Variants in SDK1 observed in about 807,000 individuals in gnomAD.
SDK1 encodes the protein protein sidekick-1.
A neutral mutation model predicts 245.5 loss-of-function variants in SDK1; 157 were observed. The observed-to-expected ratio is 0.64, with a 90% CI of 0.56 to 0.73. The LOEUF (loss-of-function observed/expected upper bound fraction) is 0.73. SDK1 is among the 30% of genes least tolerant of loss of function. The pLI, the probability that SDK1 is intolerant of heterozygous loss-of-function variation, is 0.00. For synonymous variants in SDK1, 1,647 were observed against 1,278.5 expected, an observed-to-expected ratio of 1.29 and a Z score of -6.15; for missense variants, 3,583 against 3,002.3, an observed-to-expected ratio of 1.19 and a Z score of -4.52.
intron 16 of SDK1, among the ~76,000 whole-genome samples, chr7:4,013,982 C>A (rs907253896): frequency 3.3e-5 from 5 of 152,260 alleles, no homozygotes; most frequent in Admixed American, 3.3e-4. Flanking sequence ...CGTGTCCCCG[C>A]CGCCTGCGGC....
At chr7:4,193,338 A>G (rs1175737919) in intron 35 of SDK1, among the ~76,000 whole-genome samples, 1 of 126,420 alleles carries the variant, frequency 7.9e-6, no homozygotes, top group Non-Finnish European at 1.6e-5. Context: ...TAAATATATT[A>G]ATTTATATAA....
rs902395848 is a variant in SDK1 at position 3,696,199 on chromosome 7, C to T, written c.713+54094C>T. On this transcript the variant is annotated intron_variant, in intron 4 of 44. Transcript: ENST00000404826. ...AACTTAAATCTTATTGCCACTCTCTCCACTGTGAGACTCCCCTAAGCTCCC... is the reference window on the plus strand; with the variant it reads ...AACTTAAATCTTATTGCCACTCTCTTCACTGTGAGACTCCCCTAAGCTCCC... Among the ~76,000 whole-genome samples the T allele has an allele frequency of 2.0e-5, 3 of 152,164 alleles. No homozygotes were observed. The South Asian group carries it at 6.2e-4, about 32-fold the overall frequency.
chr7:4,172,271 A>G (rs1045976303), intron 32 of SDK1, among the ~76,000 whole-genome samples: 2 of 152,198 alleles, frequency 1.3e-5, no homozygotes, highest in African/African-American at 4.8e-5. Flanking sequence ...AGCAGGCCTC[A>G]TTTTGGAAAA....
intron 1 of SDK1, among the ~76,000 whole-genome samples, chr7:3,423,938 A>AT (rs1192150992): frequency 6.8e-6 from 1 of 147,786 alleles, no homozygotes; most frequent in Non-Finnish European, 1.5e-5. Context: ...TTTTTTTGAG[A>AT]TGAGTCTCTA....
Position 3,782,540 on chromosome 7 carries a change from A to G in SDK1, c.714-38910A>G, listed in dbSNP as rs1208300097. 2.6e-5 allele frequency among the ~76,000 whole-genome samples: 4 copies of G among 152,180 alleles called. No homozygotes were observed. In the South Asian group the frequency reaches 8.3e-4, roughly 31 times the overall value. ...ATAGTAATACAATTATCAAAAATCAAAGACAAAAATTCCGAGAGCAGCAAG... is the reference window on the plus strand; with the variant it reads ...ATAGTAATACAATTATCAAAAATCAGAGACAAAAATTCCGAGAGCAGCAAG... On this transcript the variant is annotated intron_variant, in intron 4 of 44. Transcript: ENST00000404826.
chr7:3,486,264 T>C (rs1287814025), intron 1 of SDK1, among the ~76,000 whole-genome samples: 3 of 92,806 alleles, frequency 3.2e-5, no homozygotes, highest in Non-Finnish European at 7.9e-5. Flanking sequence ...TCTGAGGTTG[T>C]TTTCTTTTCC....
intron 19 of SDK1, among the ~76,000 whole-genome samples, chr7:4,061,789 A>G (rs1779557043): frequency 6.6e-6 from 1 of 152,064 alleles, no homozygotes; most frequent in Admixed American, 6.5e-5. Flanking sequence ...ACACCATGGA[A>G]TACTATGCAG....
chr7:3,652,945 T>A (rs12538202), intron 4 of SDK1, among the ~76,000 whole-genome samples: 37,080 of 152,140 alleles, frequency 0.24, 4,964 homozygotes, highest in Non-Finnish European at 0.3. Context: ...AGGAGTCTAT[T>A]GACTGGAAGA....
chr7:3,396,938 C>T (rs1034441794), intron 1 of SDK1, among the ~76,000 whole-genome samples: 1 of 151,372 alleles, frequency 6.6e-6, no homozygotes, highest in Non-Finnish European at 1.5e-5. Flanking sequence ...TCCTTCATTC[C>T]TCCATGACTG....
rs574064987 is a variant in SDK1, at chr7:4,143,209, A to G, written c.4229-2513A>G. ...TCCTGGAGCTGCAGGGGCCTAAGGC[A>G]CCACGCCCATATCAGTGCCTGTGGA... is the stretch of plus-strand genomic sequence containing the variant. On this transcript the variant is annotated intron_variant, in intron 28 of 44. Transcript: ENST00000404826. Among the ~76,000 whole-genome samples the G allele has an allele frequency of 1.3e-4, 20 of 152,224 alleles. No individual in the cohort carries two copies. The South Asian group carries it at 3.7e-3, about 28-fold the overall frequency.
At chr7:3,362,128 A>G (rs1308945238) in intron 1 of SDK1, among the ~76,000 whole-genome samples, 1 of 152,192 alleles carries the variant, frequency 6.6e-6, no homozygotes, top group East Asian at 1.9e-4. Context: ...TGATCTGAGG[A>G]CTGTGCTGTG....
At chr7:3,851,785 A>C (rs1780426033) in intron 5 of SDK1, among the ~76,000 whole-genome samples, 1 of 152,220 alleles carries the variant, frequency 6.6e-6, no homozygotes, top group Non-Finnish European at 1.5e-5. Context: ...TTGGACATTG[A>C]AGCTAAGCGG....
Position 4,118,970 on chromosome 7 carries a change from T to G in SDK1, c.3823+4696T>G, listed in dbSNP as rs967504183. On this transcript the variant is annotated intron_variant, in intron 25 of 44. Coordinates refer to ENST00000404826, the MANE Select transcript of SDK1 (RefSeq NM_152744.4). The stretch of plus-strand genomic sequence containing the variant: ...AGTGATGGGTGATGGAAACAGAGCT[T>G]CTTTTGGGGATGATGAGATGTTCCA... 3.4e-5 allele frequency among the ~76,000 whole-genome samples: 5 copies of G among 148,550 alleles called. 1 individual carries two copies. Among genetic ancestry groups the G allele is most frequent in the Admixed American group, 6.7e-5 (1 of 14,912 alleles).
At chr7:3,357,371 G>T (rs1780832280) in intron 1 of SDK1, among the ~76,000 whole-genome samples, 1 of 64,204 alleles carries the variant, frequency 1.6e-5, no homozygotes, top group Non-Finnish European at 2.9e-5. Context: ...TTTTTTTGAG[G>T]CAGGGTCTCA....
At chr7:3,413,313 G>A (rs930193424) in intron 1 of SDK1, among the ~76,000 whole-genome samples, 1 of 152,168 alleles carries the variant, frequency 6.6e-6, no homozygotes, top group African/African-American at 2.4e-5. Flanking sequence ...GCTAAAGAGG[G>A]GCAGGGGTCA....
intron 7 of SDK1, among the ~76,000 whole-genome samples, chr7:3,957,845 C>G (rs975556283): frequency 1.8e-4 from 28 of 152,234 alleles, no homozygotes; most frequent in Admixed American, 6.5e-5. Flanking sequence ...GTAGAGGAAT[C>G]TGCTTCCTTC....
At chr7:3,546,349 C>T (rs1186276421) in intron 1 of SDK1, among the ~76,000 whole-genome samples, 1 of 152,224 alleles carries the variant, frequency 6.6e-6, no homozygotes, top group Admixed American at 6.5e-5. Context: ...CCCTCTAATC[C>T]TCTGTTTCCA....
intron 1 of SDK1, among the ~76,000 whole-genome samples, chr7:3,554,004 C>A (rs1779505715): frequency 6.6e-6 from 1 of 152,284 alleles, no homozygotes; most frequent in South Asian, 2.1e-4. Context: ...CCATAGCCCA[C>A]AAAAGTAGAC....
intron 4 of SDK1, among the ~76,000 whole-genome samples, chr7:3,794,547 A>G (rs370286503): frequency 9.9e-5 from 15 of 152,268 alleles, no homozygotes; most frequent in African/African-American, 3.4e-4. Flanking sequence ...AATGGTTATC[A>G]TGGGAGTGAG....
Sources: allele counts gnomAD v4.1 joint callset (sites outside exome capture counted in the v4.1 genomes callset), GRCh38; gene constraint gnomAD v4.1.1; transcripts MANE v1.5; gene names NCBI Gene and HGNC (gene_info 2026-07-23, HGNC 2026-07-21).